Variants in MAGI2 observed in about 807,000 individuals in gnomAD.
The protein encoded by MAGI2 is membrane associated guanylate kinase, WW and PDZ domain containing 2, also known as membrane-associated guanylate kinase, WW and PDZ domain-containing protein 2.
In MAGI2, 35 loss-of-function variants were observed where a neutral mutation model predicts 133.3. The ratio of observed to expected loss-of-function variants is 0.26; its 90% CI spans 0.20 to 0.35. The LOEUF (loss-of-function observed/expected upper bound fraction) is 0.35. Ranked by LOEUF, MAGI2 falls within the 10% of genes least tolerant of loss-of-function variation. MAGI2 has a pLI of 1.00. For synonymous variants in MAGI2, 729 were observed against 710.6 expected, an observed-to-expected ratio of 1.03 and a Z score of -0.41; for missense variants, 1,636 against 1,863.4, an observed-to-expected ratio of 0.88 and a Z score of 2.25.
intron 3 of MAGI2, among the ~76,000 whole-genome samples, chr7:78,590,146 T>A (rs1181919732): frequency 6.6e-6 from 1 of 152,222 alleles, no homozygotes; most frequent in Non-Finnish European, 1.5e-5. Context: ...GCAGGAAGAC[T>A]GTTGTGTTCC....
At chr7:78,522,418 G>T (rs1430720604) in intron 3 of MAGI2, among the ~76,000 whole-genome samples, 1 of 152,098 alleles carries the variant, frequency 6.6e-6, no homozygotes, top group African/African-American at 2.4e-5. Flanking sequence ...TTGCTCTGTT[G>T]CCCAGGCTGG....
chr7:78,231,693 C>T (rs1054629087), intron 10 of MAGI2, among the ~76,000 whole-genome samples: 1 of 152,178 alleles, frequency 6.6e-6, no homozygotes, highest in East Asian at 1.9e-4. Flanking sequence ...TCCTTCCCTA[C>T]ACCTGAAGTA....
intron 1 of MAGI2, among the ~76,000 whole-genome samples, chr7:79,122,938 A>G (rs1820042314): frequency 6.6e-6 from 1 of 152,038 alleles, no homozygotes; most frequent in African/African-American, 2.4e-5. Flanking sequence ...GTGATCCAAT[A>G]TCTTTATAAA....
intron 12 of MAGI2, among the ~76,000 whole-genome samples, chr7:78,193,276 A>G (rs548493665): frequency 6.6e-6 from 1 of 152,334 alleles, no homozygotes; most frequent in African/African-American, 2.4e-5. Context: ...AAGCAGGAGG[A>G]AGCATCTCTT....
intron 1 of MAGI2, among the ~76,000 whole-genome samples, chr7:79,154,436 C>G (rs1823565186): frequency 1.3e-5 from 2 of 152,140 alleles, no homozygotes; most frequent in South Asian, 2.1e-4. Context: ...AAGAATGTCT[C>G]TCTGCTAATG....
At position 78,527,252 on chromosome 7, in the gene MAGI2, G is replaced by T. The variant is rs1236317007; in HGVS notation, c.539-5607C>A. On this transcript the variant is annotated intron_variant, in intron 3 of 21. Transcript: ENST00000354212. ...CCCTTACCCATTTTTAGGCAGACCTGTCCCTAGGTCATCTGAAAGCAGTGA... is the reference window on the plus strand; with the variant it reads ...CCCTTACCCATTTTTAGGCAGACCTTTCCCTAGGTCATCTGAAAGCAGTGA... Among the ~76,000 whole-genome samples the T allele has an allele frequency of 2.0e-5, 3 of 152,198 alleles. No homozygotes were observed. The East Asian group carries it at 5.8e-4, about 29-fold the overall frequency.
intron 1 of MAGI2, among the ~76,000 whole-genome samples, chr7:79,017,203 G>A (rs1808822607): frequency 6.6e-6 from 1 of 152,226 alleles, no homozygotes; most frequent in African/African-American, 2.4e-5. Context: ...CTAGCCAGCT[G>A]TCTGGAAACA....
rs185628624 is a variant in MAGI2, at chr7:78,822,685, G to A, written c.418+184405C>T. Among the ~76,000 whole-genome samples, 20 of 152,106 alleles carry A rather than the reference G, an allele frequency of 1.3e-4. No homozygotes were observed. In the East Asian group the frequency reaches 3.9e-3, roughly 29 times the overall value. On this transcript the variant is annotated intron_variant, in intron 2 of 21. Coordinates refer to ENST00000354212, the MANE Select transcript of MAGI2 (RefSeq NM_012301.4). ...AAGGGTAGGTATATACTACTAAAAA[G>A]TTTTTCCCCACCTACTGCCTGTTTT...
chr7:79,413,647 G>A (rs1846291370), intron 1 of MAGI2: 1 of 152,144 alleles, frequency 6.6e-6, no homozygotes, highest in South Asian at 2.1e-4. Context: ...TCAGGACCAG[G>A]TCCTTTGTGT....
At chr7:79,002,518 T>C (rs1806973429) in intron 2 of MAGI2, among the ~76,000 whole-genome samples, 1 of 152,144 alleles carries the variant, frequency 6.6e-6, no homozygotes, top group African/African-American at 2.4e-5. Context: ...ACAATTCTTC[T>C]TTTTTAGTAG....
chr7:78,434,927 T>A (rs1007377140), intron 6 of MAGI2, among the ~76,000 whole-genome samples: 2 of 152,140 alleles, frequency 1.3e-5, no homozygotes, highest in African/African-American at 4.8e-5. Flanking sequence ...GGCCATTCTA[T>A]CACTCATTCC....
intron 20 of MAGI2, among the ~76,000 whole-genome samples, chr7:78,095,992 C>T (rs1817656680): frequency 6.6e-6 from 1 of 152,198 alleles, no homozygotes. Flanking sequence ...GGAAAAGTGA[C>T]TTCATTTTCA....
intron 2 of MAGI2, among the ~76,000 whole-genome samples, chr7:78,941,233 T>C (rs1800938068): frequency 1.3e-5 from 2 of 152,226 alleles, no homozygotes; most frequent in Non-Finnish European, 2.9e-5. Context: ...GGTTCATCTA[T>C]TGTGTCAAAG....
intron 10 of MAGI2, among the ~76,000 whole-genome samples, chr7:78,245,237 G>A (rs1287582939): frequency 6.6e-6 from 1 of 152,128 alleles, no homozygotes; most frequent in Non-Finnish European, 1.5e-5. Flanking sequence ...GGGGATAGGA[G>A]ATATAAATGT....
intron 2 of MAGI2, among the ~76,000 whole-genome samples, chr7:78,922,169 T>A (rs910601612): frequency 2.4e-4 from 37 of 151,506 alleles, no homozygotes; most frequent in East Asian, 1.9e-4. Flanking sequence ...TTTTATTTTT[T>A]TTTTTGGCAT....
At chr7:78,522,071 G>A (rs942669624) in intron 3 of MAGI2, among the ~76,000 whole-genome samples, 4 of 152,122 alleles carry the variant, frequency 2.6e-5, no homozygotes, top group African/African-American at 9.7e-5. Context: ...GGCAAAGCAC[G>A]TTCTGCTATT....
intron 15 of MAGI2, among the ~76,000 whole-genome samples, chr7:78,162,665 A>G (rs1346441766): frequency 6.6e-6 from 1 of 152,206 alleles, no homozygotes; most frequent in Non-Finnish European, 1.5e-5. Context: ...GGTAAGTCAA[A>G]GAGTCATATA....
At chr7:78,817,059 A>T (rs1157369759) in intron 2 of MAGI2, among the ~76,000 whole-genome samples, 2 of 152,222 alleles carry the variant, frequency 1.3e-5, no homozygotes, top group Admixed American at 6.5e-5. Flanking sequence ...CATTAATAGG[A>T]ATTTGGATAA....
intron 6 of MAGI2, among the ~76,000 whole-genome samples, chr7:78,398,364 C>T (rs561207771): frequency 1.3e-5 from 2 of 152,170 alleles, no homozygotes; most frequent in East Asian, 3.9e-4. Context: ...AACTGTGCCT[C>T]ATATCAACTG....
Sources: gnomAD v4.1 joint callset for allele counts (sites outside exome capture counted in the v4.1 genomes callset) on GRCh38, gnomAD v4.1.1 for gene constraint, MANE v1.5 for transcripts, NCBI Gene and HGNC (gene_info 2026-07-23, HGNC 2026-07-21) for gene names.